The following PPP1R1C variants were observed in gnomAD, a reference collection of about 807,000 sequenced individuals.
PPP1R1C encodes protein phosphatase 1 regulatory subunit 1C.
PPP1R1C carries 15 observed loss-of-function variants against 17.4 expected under a neutral mutation model. The ratio of observed to expected loss-of-function variants is 0.86; its 90% CI spans 0.58 to 1.33. The LOEUF is 1.33. Among genes scored for constraint, PPP1R1C ranks in the 40% most tolerant of loss-of-function variants. PPP1R1C has a pLI of 0.00. For missense variants in PPP1R1C, 143 were observed against 130.0 expected (o/e 1.10, Z -0.48); for synonymous variants, 35 against 43.1 (o/e 0.81, Z 0.73).
intron 2 of PPP1R1C, among the ~76,000 whole-genome samples, chr2:182,024,434 A>C (rs1400760974): frequency 2.0e-5 from 3 of 152,170 alleles, no homozygotes; most frequent in Non-Finnish European, 4.4e-5. Context: ...CTACACTTGA[A>C]ATATTGTTAA....
intron 4 of PPP1R1C, among the ~76,000 whole-genome samples, chr2:182,065,219 A>C (rs1451751241): frequency 6.6e-6 from 1 of 152,074 alleles, no homozygotes; most frequent in African/African-American, 2.4e-5. Context: ...AAGCACAGTA[A>C]TTGTTTCAAG....
At chr2:182,101,830 G>C (rs1312353637) in intron 4 of PPP1R1C, among the ~76,000 whole-genome samples, 1 of 152,150 alleles carries the variant, frequency 6.6e-6, no homozygotes, top group African/African-American at 2.4e-5. Flanking sequence ...TACTGCTGAA[G>C]GGAAGGCTGC....
intron 4 of PPP1R1C, among the ~76,000 whole-genome samples, chr2:182,075,092 G>T (rs527393290): frequency 2.0e-5 from 3 of 152,286 alleles, no homozygotes; most frequent in Admixed American, 6.5e-5. Context: ...TTGAATTTAT[G>T]ATCTGTATTC....
chr2:182,080,687 A>G (rs547181228), intron 4 of PPP1R1C, among the ~76,000 whole-genome samples: 1 of 152,158 alleles, frequency 6.6e-6, no homozygotes, highest in South Asian at 2.1e-4. Context: ...CCCTGCATAC[A>G]AGCTGACTCA....
intron 1 of PPP1R1C, among the ~76,000 whole-genome samples, chr2:181,973,950 A>T (rs1685055000): frequency 6.6e-6 from 1 of 152,086 alleles, no homozygotes; most frequent in Admixed American, 6.6e-5. Flanking sequence ...CTGGGGATTG[A>T]TTAATTAGTT....
chr2:182,064,265 T>C (rs906489543), intron 4 of PPP1R1C: 7 of 156,164 alleles, frequency 4.5e-5, no homozygotes, highest in African/African-American at 1.7e-4. Context: ...TCACTGTACA[T>C]GTAACTACTG....
exon 6 of PPP1R1C, chr2:182,129,987 TTAATA>T (rs1342427362): frequency 1.3e-5 from 2 of 152,070 alleles, no homozygotes; most frequent in Non-Finnish European, 2.9e-5. Flanking sequence ...ATTTGAAACT[TTAATA>T]AAAAAAGTAC....
intron 2 of PPP1R1C, among the ~76,000 whole-genome samples, chr2:182,001,998 A>C (rs1204424239): frequency 1.3e-5 from 2 of 152,140 alleles, no homozygotes; most frequent in African/African-American, 4.8e-5. Flanking sequence ...ACTGAGTCAG[A>C]TAAGATTATG....
In PPP1R1C at chr2:181,985,865, T is replaced by G; in HGVS notation, c.-246T>G. ...ACACAATTAGCGTATTGTTCCTTTC[T>G]GTATTGTGCTGAGAGGATCCAAGGG... is the stretch of plus-strand genomic sequence containing the variant. On this transcript the variant is annotated 5_prime_UTR_variant, in exon 1 of 5. Coordinates refer to ENST00000682840, the MANE Select transcript of PPP1R1C (RefSeq NM_001080545.3). The surrounding 1 kb of genome is among the most constrained non-coding windows in gnomAD (Gnocchi z 4.1). The G allele has an allele frequency of 3.6e-6, 2 of 558,970 alleles. No individual in the cohort carries two copies. The highest frequency in any genetic ancestry group is 4.5e-5 in the South Asian group (2 of 44,270). The allele number at this position is 558,970 out of a possible 1,614,324, so 34.6% of individuals were successfully genotyped here.
At chr2:182,058,141 G>A in intron 2 of PPP1R1C, among the ~76,000 whole-genome samples, 1 of 151,310 alleles carries the variant, frequency 6.6e-6, no homozygotes, top group East Asian at 1.9e-4. Context: ...CTTTTTTTCT[G>A]TTCCAGAATC....
intron 4 of PPP1R1C, 53 bp downstream of exon 4, chr2:182,063,844 C>A: frequency 1.5e-6 from 2 of 1,376,584 alleles, no homozygotes; most frequent in South Asian, 1.2e-5. Flanking sequence ...CATGGCTGGT[C>A]GGCCGTCTGT....
intron 2 of PPP1R1C, among the ~76,000 whole-genome samples, chr2:182,031,539 A>G (rs2125171521): frequency 6.6e-6 from 1 of 152,350 alleles, no homozygotes; most frequent in East Asian, 1.9e-4. Context: ...ATTTCTTCAA[A>G]CACATTTTTT....
At chr2:182,030,492 C>T (rs927769696) in intron 2 of PPP1R1C, among the ~76,000 whole-genome samples, 4 of 150,402 alleles carry the variant, frequency 2.7e-5, no homozygotes, top group African/African-American at 7.3e-5. Flanking sequence ...TCAGTGTGCC[C>T]CTGCTGGGGG....
intron 1 of PPP1R1C, among the ~76,000 whole-genome samples, chr2:181,966,871 A>G (rs1487000550): frequency 2.6e-5 from 4 of 152,162 alleles, no homozygotes; most frequent in Non-Finnish European, 4.4e-5. Context: ...GAATAGTTTG[A>G]GTAGGATTGG....
chr2:182,078,799 A>G lies in PPP1R1C; in HGVS notation c.241+15008A>G, dbSNP rs191083903. ...GAGTGAAAAATAAAGTAATATATGT[A>G]TAGTGCCCAATATGTAGCAGGTGTG... On this transcript the variant is annotated intron_variant, in intron 4 of 4. Transcript: ENST00000682840. 2.1e-3 allele frequency among the ~76,000 whole-genome samples: 326 copies of G among 152,346 alleles called. 2 individuals carry two copies. Among genetic ancestry groups the G allele is most frequent in the African/African-American group, 7.3e-3 (303 of 41,576 alleles).
At position 182,076,186 on chromosome 2, in the gene PPP1R1C, TTTTTTC is replaced by T. The variant is rs1559082826; in HGVS notation, c.241+12400_241+12405del. On this transcript the variant is annotated intron_variant, in intron 4 of 4. Transcript: ENST00000682840. ...TATAAATCAAGGATTTTGAACTTTT[TTTTTTC>T]TTTTCTTTTTTTTTTTTTTTTTTTT... Among the ~76,000 whole-genome samples the T allele has an allele frequency of 3.3e-4, 42 of 127,294 alleles. 1 individual carries two copies. The highest frequency in any genetic ancestry group is 1.2e-3 in the African/African-American group (37 of 29,668). 83.5% of individuals were successfully genotyped at this position (127,294 alleles called of 152,430 possible).
At chr2:182,059,102 C>T (rs148886701) in intron 2 of PPP1R1C, among the ~76,000 whole-genome samples, 123 of 152,186 alleles carry the variant, frequency 8.1e-4, no homozygotes, top group African/African-American at 2.9e-3. Flanking sequence ...AATCAATACT[C>T]AAAACAGAAA....
intron 2 of PPP1R1C, among the ~76,000 whole-genome samples, chr2:182,038,851 A>T (rs1687095082): frequency 6.6e-6 from 1 of 152,214 alleles, no homozygotes; most frequent in African/African-American, 2.4e-5. Context: ...AGTAACAAGG[A>T]TGTGGGCAGA....
intron 5 of PPP1R1C, among the ~76,000 whole-genome samples, chr2:182,124,314 G>GTTTTTTTTTTT (rs796745919): frequency 1.7e-4 from 7 of 42,074 alleles, no homozygotes; most frequent in Non-Finnish European, 3.5e-4. Flanking sequence ...GTTTTTTTTT[G>GTTTTTTTTTTT]TTTTTTTTTT....
Sources: allele counts gnomAD v4.1 joint callset (sites outside exome capture counted in the v4.1 genomes callset), GRCh38; gene constraint gnomAD v4.1.1; non-coding constraint Gnocchi (gnomAD v3.1); transcripts MANE v1.5; gene names NCBI Gene and HGNC (gene_info 2026-07-23, HGNC 2026-07-21).